The following TMEM62 variants were observed in gnomAD, a reference collection of about 807,000 sequenced individuals.
TMEM62 encodes the protein transmembrane protein 62.
A neutral mutation model predicts 70.4 loss-of-function variants in TMEM62; 41 were observed. The observed-to-expected ratio is 0.58, with a 90% CI of 0.45 to 0.76. The LOEUF (loss-of-function observed/expected upper bound fraction) is 0.76, where lower values mean the gene tolerates loss of function less well. Among genes scored for constraint, TMEM62 ranks in the 30% least tolerant of loss-of-function variants. The pLI is 0.00. For synonymous variants in TMEM62, 268 were observed against 291.0 expected, an observed-to-expected ratio of 0.92 and a Z score of 0.80; for missense variants, 688 against 788.5, an observed-to-expected ratio of 0.87 and a Z score of 1.53.
Position 43,133,637 on chromosome 15 carries a change from C to A in TMEM62, c.-166C>A. ...GCTGGGCGGCGGCTGACGGGCGCAGCACCCTAGGCCCAGTGTCTGGCTCCA... is the reference window on the plus strand; with the variant it reads ...GCTGGGCGGCGGCTGACGGGCGCAGAACCCTAGGCCCAGTGTCTGGCTCCA... On this transcript the variant is annotated 5_prime_UTR_variant, in exon 1 of 14. Transcript: ENST00000260403. 1 of 443,268 alleles carries A rather than the reference C, an allele frequency of 2.3e-6. No homozygotes were observed. The highest frequency in any genetic ancestry group is 3.7e-6 in the Non-Finnish European group (1 of 271,428). 27.5% of individuals were successfully genotyped at this position (443,268 alleles called of 1,614,324 possible).
At chr15:43,141,365 A>G (rs2035983540) in intron 4 of TMEM62, among the ~76,000 whole-genome samples, 1 of 152,210 alleles carries the variant, frequency 6.6e-6, no homozygotes, top group African/African-American at 2.4e-5. Flanking sequence ...CCTGTGTTCT[A>G]TATATGGAAC....
chr15:43,177,794 A>G (rs2040914058), intron 11 of TMEM62, among the ~76,000 whole-genome samples: 1 of 151,998 alleles, frequency 6.6e-6, no homozygotes, highest in South Asian at 2.1e-4. Flanking sequence ...TGGGAATTGA[A>G]CAATGAGAAC....
chr15:43,160,866 A>T (rs2038620721), intron 10 of TMEM62, 72 bp downstream of exon 10: 2 of 735,500 alleles, frequency 2.7e-6, no homozygotes, highest in Admixed American at 5.6e-5. Context: ...GTCCTCCCTT[A>T]TCCATGATTT....
chr15:43,166,598 C>G (rs947701901), intron 10 of TMEM62, among the ~76,000 whole-genome samples: 1 of 146,930 alleles, frequency 6.8e-6, no homozygotes, highest in Non-Finnish European at 1.5e-5. Flanking sequence ...GGGTGTTTCT[C>G]GCAGAGGGGG....
At chr15:43,144,967 A>C (rs2036475068) in intron 4 of TMEM62, among the ~76,000 whole-genome samples, 3 of 151,924 alleles carry the variant, frequency 2.0e-5, no homozygotes, top group Admixed American at 1.3e-4. Flanking sequence ...TAAATATTAC[A>C]GAAATACCAA....
intron 11 of TMEM62, among the ~76,000 whole-genome samples, chr15:43,174,568 A>G (rs73413081): frequency 0.011 from 1,663 of 152,326 alleles, 39 homozygotes; most frequent in African/African-American, 0.038. Flanking sequence ...ACATATTTTA[A>G]CCTACATTGT....
At chr15:43,145,872 A>G (rs1253460369) in intron 4 of TMEM62, among the ~76,000 whole-genome samples, 1 of 152,132 alleles carries the variant, frequency 6.6e-6, no homozygotes, top group East Asian at 1.9e-4. Context: ...TGTGTTACTC[A>G]TCCTTTCTTC....
intron 5 of TMEM62, 139 bp downstream of exon 5, chr15:43,146,773 T>A: frequency 1.3e-6 from 1 of 775,070 alleles, no homozygotes; most frequent in Non-Finnish European, 2.0e-6. Flanking sequence ...CAGGTATGGC[T>A]AGAAGTTACT....
intron 5 of TMEM62, among the ~76,000 whole-genome samples, chr15:43,148,324 G>A (rs7166467): frequency 0.54 from 82,074 of 152,002 alleles, 26,085 homozygotes; most frequent in Non-Finnish European, 0.68. Flanking sequence ...TCCATCGTGT[G>A]GATGTATTAC....
At chr15:43,154,878 C>T in intron 9 of TMEM62, 47 bp downstream of exon 9, 1 of 1,466,652 alleles carries the variant, frequency 6.8e-7, no homozygotes, top group East Asian at 2.4e-5. Flanking sequence ...AAGCTGTAGC[C>T]ACAATGAATT....
chr15:43,133,744 G>A lies in TMEM62; in HGVS notation c.-59G>A. 11 of 1,223,022 alleles carry A rather than the reference G, an allele frequency of 9.0e-6. No individual in the cohort carries two copies. The highest frequency in any genetic ancestry group is 3.2e-5 in the East Asian group (1 of 30,938). 75.8% of individuals were successfully genotyped at this position (1,223,022 alleles called of 1,614,324 possible). Reference sequence around the variant, plus strand: ...GGAAGTGCAGGCAAAGCGGCTCCCGGGAGCGCCGCGCGGTCCTGCGCGGGA... The same window carrying A: ...GGAAGTGCAGGCAAAGCGGCTCCCGAGAGCGCCGCGCGGTCCTGCGCGGGA... On this transcript the variant is annotated 5_prime_UTR_variant, in exon 1 of 14. Coordinates refer to ENST00000260403, the MANE Select transcript of TMEM62 (RefSeq NM_024956.4).
intron 4 of TMEM62, among the ~76,000 whole-genome samples, chr15:43,140,848 C>T (rs373730771): frequency 3.9e-5 from 6 of 152,194 alleles, no homozygotes; most frequent in Non-Finnish European, 4.4e-5. Flanking sequence ...CATCCAAACC[C>T]GCGCCCGGCT....
intron 4 of TMEM62, among the ~76,000 whole-genome samples, chr15:43,142,165 T>C (rs2036107646): frequency 5.8e-3 from 1 of 172 alleles, no homozygotes; most frequent in Non-Finnish European, 0.083. Context: ...AGAGAAATTC[T>C]TTTTTTTTTT....
intron 9 of TMEM62, among the ~76,000 whole-genome samples, chr15:43,157,596 T>C (rs1385043976): frequency 6.6e-6 from 1 of 152,164 alleles, no homozygotes; most frequent in Non-Finnish European, 1.5e-5. Flanking sequence ...TATAATGAAC[T>C]CCCATGTATC....
chr15:43,173,274 T>A (rs1396448473), intron 11 of TMEM62, among the ~76,000 whole-genome samples: 1 of 152,250 alleles, frequency 6.6e-6, no homozygotes, highest in Non-Finnish European at 1.5e-5. Context: ...CATGTCAGTA[T>A]CACCTCTCTG....
intron 12 of TMEM62, 112 bp from the exon 13 acceptor site, chr15:43,181,069 T>TA: frequency 1.4e-6 from 1 of 733,764 alleles, no homozygotes; most frequent in Non-Finnish European, 2.4e-6. Context: ...AAAATGCTTA[T>TA]AGATGGCTAG....
intron 4 of TMEM62, among the ~76,000 whole-genome samples, chr15:43,144,978 T>C (rs1054543115): frequency 3.6e-4 from 55 of 151,292 alleles, no homozygotes; most frequent in African/African-American, 1.3e-3. Context: ...GAAATACCAA[T>C]CTGAAGAAAA....
chr15:43,168,985 CCT>C (rs1287958672), intron 10 of TMEM62: 2 of 152,400 alleles, frequency 1.3e-5, no homozygotes, highest in African/African-American at 4.8e-5. Flanking sequence ...GTTGTGTTCC[CCT>C]GTGACAGCAC....
At chr15:43,141,703 G>T (rs566786501) in intron 4 of TMEM62, among the ~76,000 whole-genome samples, 1 of 152,314 alleles carries the variant, frequency 6.6e-6, no homozygotes, top group South Asian at 2.1e-4. Flanking sequence ...GCAGTCAATT[G>T]AAAAATTTAT....
Sources: gnomAD v4.1 joint callset for allele counts (sites outside exome capture counted in the v4.1 genomes callset) on GRCh38, gnomAD v4.1.1 for gene constraint, MANE v1.5 for transcripts, NCBI Gene and HGNC (gene_info 2026-07-23, HGNC 2026-07-21) for gene names.